The following SGCD variants were observed in gnomAD, a reference collection of about 807,000 sequenced individuals.
SGCD encodes the protein sarcoglycan delta, also known as delta-sarcoglycan.
SGCD carries 18 observed loss-of-function variants against 36.6 expected under a neutral mutation model. That is an observed-to-expected ratio of 0.49 (90% CI 0.34 to 0.73). The LOEUF (loss-of-function observed/expected upper bound fraction) is 0.73, where lower values mean the gene tolerates loss of function less well. Ranked by LOEUF, SGCD falls within the 30% of genes least tolerant of loss-of-function variation. The pLI is 0.01. For missense variants in SGCD, 387 were observed against 346.7 expected (o/e 1.12, Z -0.92); for synonymous variants, 133 against 130.6 (o/e 1.02, Z -0.12).
chr5:156,140,004 AG>A (rs1204566481), intron 3 of SGCD, among the ~76,000 whole-genome samples: 6 of 152,182 alleles, frequency 3.9e-5, no homozygotes, highest in African/African-American at 7.2e-5. Flanking sequence ...AGGAGGATGC[AG>A]CTTTCCTCTT....
the SGCD span, among the ~76,000 whole-genome samples, chr5:155,776,435 T>C: frequency 2.0e-5 from 3 of 152,176 alleles, no homozygotes; most frequent in African/African-American, 7.2e-5. Context: ...AATGTGTGTA[T>C]GTATTGAACA....
At chr5:155,769,401 C>T in the SGCD span, among the ~76,000 whole-genome samples, 103 of 144,860 alleles carry the variant, frequency 7.1e-4, no homozygotes, top group African/African-American at 2.4e-3. Flanking sequence ...AAGAAAAAAC[C>T]AAAAAACCGG....
intron 3 of SGCD, among the ~76,000 whole-genome samples, chr5:156,256,826 A>G (rs1765727583): frequency 6.6e-6 from 1 of 152,148 alleles, no homozygotes; most frequent in South Asian, 2.1e-4. Flanking sequence ...TAATTCTAAC[A>G]TGGTATTTTA....
the SGCD span, among the ~76,000 whole-genome samples, chr5:155,841,808 C>T: frequency 1.6e-3 from 240 of 152,008 alleles, 1 homozygote; most frequent in Middle Eastern, 3.4e-3. Flanking sequence ...CAAAGATTGA[C>T]GGGGGAGAAA....
At chr5:156,607,700 A>G (rs1358238177) in intron 6 of SGCD, among the ~76,000 whole-genome samples, 2 of 15,734 alleles carry the variant, frequency 1.3e-4, no homozygotes, top group African/African-American at 2.9e-4. Context: ...TTGGTAGGCT[A>G]TTAATTTTTC....
chr5:156,176,121 G>A (rs1581148122), intron 3 of SGCD, among the ~76,000 whole-genome samples: 2 of 67,824 alleles, frequency 2.9e-5, no homozygotes, highest in South Asian at 1.1e-3. Context: ...AATATACTTT[G>A]TGTGTGTGTG....
chr5:156,350,247 T>TTATA lies in SGCD; in HGVS notation c.192+5584_192+5587dup, dbSNP rs59107352. Among the ~76,000 whole-genome samples, 133 of 95,864 alleles carry TTATA rather than the reference T, an allele frequency of 1.4e-3. 9 individuals carry two copies. Among genetic ancestry groups the TTATA allele is most frequent in the African/African-American group, 3.3e-3 (99 of 30,294 alleles). 62.9% of individuals were successfully genotyped at this position (95,864 alleles called of 152,430 possible). ...CTCTAAAGCTATTGAGGAAAAAAAA[T>TTATA]TATATATATATATATATGTACACAC... On this transcript the variant is annotated intron_variant, in intron 3 of 8. Coordinates refer to ENST00000337851, the MANE Select transcript of SGCD (RefSeq NM_000337.6).
intron 3 of SGCD, among the ~76,000 whole-genome samples, chr5:156,496,414 C>A (rs1756189760): frequency 6.6e-6 from 1 of 152,072 alleles, no homozygotes; most frequent in Non-Finnish European, 1.5e-5. Flanking sequence ...GGATGGCCAG[C>A]AAGCAGAGTA....
chr5:156,552,734 C>T (rs1288557375), intron 4 of SGCD, among the ~76,000 whole-genome samples: 2 of 152,188 alleles, frequency 1.3e-5, no homozygotes, highest in East Asian at 3.9e-4. Context: ...GATAATAATA[C>T]CAATAAAAGT....
At chr5:155,741,191 G>T in the SGCD span, among the ~76,000 whole-genome samples, 2 of 152,168 alleles carry the variant, frequency 1.3e-5, no homozygotes, top group Non-Finnish European at 2.9e-5. Flanking sequence ...TTATAGTTAA[G>T]GGGGGTTGTG....
chr5:156,679,736 C>T (rs1753651842), intron 7 of SGCD, among the ~76,000 whole-genome samples: 1 of 152,146 alleles, frequency 6.6e-6, no homozygotes, highest in Non-Finnish European at 1.5e-5. Context: ...TTACTTAGAA[C>T]TCTATCTTCT....
intron 7 of SGCD, among the ~76,000 whole-genome samples, chr5:156,668,364 A>G (rs1238202913): frequency 6.6e-6 from 1 of 152,100 alleles, no homozygotes; most frequent in Non-Finnish European, 1.5e-5. Flanking sequence ...GTATCGTACT[A>G]TAGTTTGAAT....
At chr5:155,792,405 C>G in the SGCD span, among the ~76,000 whole-genome samples, 1 of 121,612 alleles carries the variant, frequency 8.2e-6, no homozygotes, top group African/African-American at 3.1e-5. Context: ...CAAGTGAGAC[C>G]TAATTAAACT....
At chr5:155,778,398 G>A in the SGCD span, among the ~76,000 whole-genome samples, 1 of 152,060 alleles carries the variant, frequency 6.6e-6, no homozygotes, top group African/African-American at 2.4e-5. Flanking sequence ...TTCAAAAGAC[G>A]AAATCCAGAA....
the SGCD span, among the ~76,000 whole-genome samples, chr5:155,796,649 C>G: frequency 6.6e-6 from 1 of 151,114 alleles, no homozygotes; most frequent in South Asian, 2.1e-4. Context: ...ATTAAAAATA[C>G]AAAAAAATCA....
chr5:156,009,737 G>A (rs1489775963), intron 1 of SGCD, among the ~76,000 whole-genome samples: 2 of 152,056 alleles, frequency 1.3e-5, no homozygotes, highest in Non-Finnish European at 2.9e-5. Flanking sequence ...TCCTTGGCAG[G>A]CTTTTATTAC....
At chr5:156,287,011 C>A (rs1766622886) in intron 3 of SGCD, among the ~76,000 whole-genome samples, 1 of 152,036 alleles carries the variant, frequency 6.6e-6, no homozygotes, top group Non-Finnish European at 1.5e-5. Context: ...GAGACAAAAA[C>A]CCATGCTTTC....
chr5:156,106,761 C>G (rs752717726), intron 1 of SGCD, among the ~76,000 whole-genome samples: 2 of 152,166 alleles, frequency 1.3e-5, no homozygotes, highest in Non-Finnish European at 2.9e-5. Context: ...GTTTCTCTTT[C>G]TTGCCCACTA....
rs1348513122 is a variant in SGCD, at chr5:156,307,803, C to T, written c.-43-21731C>T. On this transcript the variant is annotated intron_variant, in intron 3 of 9. Coordinates refer to the SGCD transcript ENST00000517913. ...CAAGTCTGCTGCTTTAACAGTTCTGCCCCCACTCTTTCAGTTGTTGATGTA... is the reference window on the plus strand; with the variant it reads ...CAAGTCTGCTGCTTTAACAGTTCTGTCCCCACTCTTTCAGTTGTTGATGTA... Among the ~76,000 whole-genome samples the T allele has an allele frequency of 4.6e-5, 7 of 151,832 alleles. No individual in the cohort carries two copies. The East Asian group carries it at 5.8e-4, about 13-fold the overall frequency.
Sources: gnomAD v4.1 joint callset for allele counts (sites outside exome capture counted in the v4.1 genomes callset) on GRCh38, gnomAD v4.1.1 for gene constraint, MANE v1.5 for transcripts, NCBI Gene and HGNC (gene_info 2026-07-23, HGNC 2026-07-21) for gene names.